Variants in DLG2 observed in about 807,000 individuals in gnomAD.
DLG2 encodes the protein disks large homolog 2.
A neutral mutation model predicts 132.5 loss-of-function variants in DLG2; 45 were observed. That is an observed-to-expected ratio of 0.34 (90% CI 0.27 to 0.44). The LOEUF (loss-of-function observed/expected upper bound fraction) is 0.44. Among genes scored for constraint, DLG2 ranks in the 20% least tolerant of loss-of-function variants. The pLI is 1.00. For missense variants in DLG2, 1,045 were observed against 1,196.9 expected (o/e 0.87, Z 1.87); for synonymous variants, 424 against 419.6 (o/e 1.01, Z -0.13).
chr11:84,280,640 C>A (rs1324976301), intron 7 of DLG2, among the ~76,000 whole-genome samples: 1 of 152,120 alleles, frequency 6.6e-6, no homozygotes, highest in Non-Finnish European at 1.5e-5. Context: ...GCTCTGAAAA[C>A]TGAATCCCAG....
chr11:84,794,636 C>A (rs2074316327), intron 6 of DLG2, among the ~76,000 whole-genome samples: 1 of 152,202 alleles, frequency 6.6e-6, no homozygotes, highest in Non-Finnish European at 1.5e-5. Flanking sequence ...TCCAGGAAGC[C>A]CCTCTGCCCT....
chr11:85,027,978 C>A (rs1391092743), intron 6 of DLG2, among the ~76,000 whole-genome samples: 1 of 152,156 alleles, frequency 6.6e-6, no homozygotes, highest in African/African-American at 2.4e-5. Flanking sequence ...TTGTCCACAT[C>A]CAGGTAGAAT....
rs189028650 is a variant in DLG2 at position 85,554,035 on chromosome 11, T to C, written c.40+44622A>G. ...ACAGTTATAGCCAAAAACTTAAAAG[T>C]CATAGCCAAAAAGTATATATTTGAG... On this transcript the variant is annotated intron_variant, in intron 3 of 27. Coordinates refer to ENST00000376104, the MANE Select transcript of DLG2 (RefSeq NM_001142699.3). Among the ~76,000 whole-genome samples the C allele has an allele frequency of 4.6e-4, 70 of 151,314 alleles. 1 individual carries two copies. The highest frequency in any genetic ancestry group is 1.7e-3 in the African/African-American group (69 of 41,416).
chr11:84,282,553 AG>A (rs1233281452), intron 7 of DLG2, among the ~76,000 whole-genome samples: 1 of 152,184 alleles, frequency 6.6e-6, no homozygotes, highest in Non-Finnish European at 1.5e-5. Context: ...AGAAACCATC[AG>A]GAAGTCTTAT....
chr11:85,451,993 C>T (rs1433362247), intron 3 of DLG2, among the ~76,000 whole-genome samples: 2 of 151,902 alleles, frequency 1.3e-5, no homozygotes, highest in African/African-American at 4.8e-5. Flanking sequence ...CAGTATAATA[C>T]TGTATTTTCC....
At chr11:85,012,916 A>C (rs866218157) in intron 6 of DLG2, among the ~76,000 whole-genome samples, 1 of 152,214 alleles carries the variant, frequency 6.6e-6, no homozygotes, top group African/African-American at 2.4e-5. Flanking sequence ...CTGTGTCATC[A>C]TTTGTAAAAT....
At chr11:84,714,549 TTC>T (rs372265200) in intron 6 of DLG2, among the ~76,000 whole-genome samples, 2 of 59,134 alleles carry the variant, frequency 3.4e-5, no homozygotes, top group Non-Finnish European at 5.7e-5. Flanking sequence ...CTCTTTCTCT[TTC>T]TCTCTCTTTC....
rs571714841 is a variant in DLG2, at chr11:85,303,570, T to C, written c.41-18205A>G. Among the ~76,000 whole-genome samples, 39 of 152,324 alleles carry C rather than the reference T, an allele frequency of 2.6e-4. No homozygotes were observed. In the South Asian group the frequency reaches 8.1e-3, roughly 32 times the overall value. ...GTCACAATGCAGCATAGCTATGTGT[T>C]GTGTTCATGTCTCCCAATCTCTATA... On this transcript the variant is annotated intron_variant, in intron 3 of 27. Transcript: ENST00000376104.
intron 6 of DLG2, among the ~76,000 whole-genome samples, chr11:84,838,113 C>T (rs2080071354): frequency 6.6e-6 from 1 of 151,890 alleles, no homozygotes; most frequent in Non-Finnish European, 1.5e-5. Context: ...GCAATATTAA[C>T]TAAGCTCCTA....
chr11:85,490,596 G>T (rs1021855856), intron 3 of DLG2, among the ~76,000 whole-genome samples: 1 of 151,786 alleles, frequency 6.6e-6, no homozygotes, highest in African/African-American at 2.4e-5. Context: ...AACAAAATCA[G>T]AAATGAAAAA....
chr11:85,171,602 A>G (rs557326741), intron 4 of DLG2, among the ~76,000 whole-genome samples: 2 of 152,260 alleles, frequency 1.3e-5, no homozygotes, highest in East Asian at 3.9e-4. Context: ...TCCAGGAGTT[A>G]AGTGGCTTCA....
At chr11:84,127,772 G>T (rs533350767) in intron 9 of DLG2, among the ~76,000 whole-genome samples, 1 of 151,984 alleles carries the variant, frequency 6.6e-6, no homozygotes, top group Admixed American at 6.6e-5. Flanking sequence ...TCTTATGTGC[G>T]TATCTGTCTC....
chr11:85,493,767 A>AGAGGGAGGGAGGGAAG, intron 3 of DLG2, among the ~76,000 whole-genome samples: 4 of 123,450 alleles, frequency 3.2e-5, no homozygotes, highest in Admixed American at 9.7e-5. Context: ...AGAGAAAGAG[A>AGAGGGAGGGAGGGAAG]GAGGGAGGGA....
At chr11:85,300,535 A>G (rs1008931361) in intron 3 of DLG2, among the ~76,000 whole-genome samples, 5 of 152,184 alleles carry the variant, frequency 3.3e-5, no homozygotes, top group African/African-American at 1.2e-4. Context: ...TCAGAGATGG[A>G]CTCTCAGATG....
intron 3 of DLG2, among the ~76,000 whole-genome samples, chr11:85,522,616 T>C (rs768763371): frequency 2.5e-4 from 38 of 152,202 alleles, no homozygotes; most frequent in Non-Finnish European, 2.9e-5. Context: ...AAGCCACAGC[T>C]TCCCAAGGCC....
At chr11:85,381,022 T>TA (rs1427640149) in intron 3 of DLG2, among the ~76,000 whole-genome samples, 1 of 152,158 alleles carries the variant, frequency 6.6e-6, no homozygotes, top group East Asian at 1.9e-4. Flanking sequence ...AAAACTTAGG[T>TA]AAAAATGAAT....
intron 8 of DLG2, among the ~76,000 whole-genome samples, chr11:84,244,468 G>A (rs532958436): frequency 2.0e-5 from 3 of 152,322 alleles, no homozygotes; most frequent in Non-Finnish European, 4.4e-5. Flanking sequence ...TTACAGGCGT[G>A]AGCCCACCTC....
intron 3 of DLG2, among the ~76,000 whole-genome samples, chr11:85,585,337 C>T (rs1409469275): frequency 1.3e-5 from 2 of 152,162 alleles, no homozygotes; most frequent in Non-Finnish European, 2.9e-5. Flanking sequence ...TTTCTGGGTT[C>T]TCTGTTCTGC....
intron 4 of DLG2, among the ~76,000 whole-genome samples, chr11:85,196,141 G>GC (rs1348271153): frequency 6.6e-6 from 1 of 152,124 alleles, no homozygotes; most frequent in Non-Finnish European, 1.5e-5. Flanking sequence ...TAAAGTTGTT[G>GC]CTCAAGGTTG....
Sources: gnomAD v4.1 joint callset for allele counts (sites outside exome capture counted in the v4.1 genomes callset) on GRCh38, gnomAD v4.1.1 for gene constraint, MANE v1.5 for transcripts, NCBI Gene and HGNC (gene_info 2026-07-23, HGNC 2026-07-21) for gene names.